SATL1: variants seen among roughly 807,000 people sequenced by gnomAD.
The protein encoded by SATL1 is spermidine/spermine N1-acetyl transferase like 1.
SATL1 carries 47 observed loss-of-function variants against 51.8 expected under a neutral mutation model. The observed-to-expected ratio is 0.91, with a 90% CI of 0.72 to 1.16. The LOEUF (loss-of-function observed/expected upper bound fraction) is 1.16. Among genes scored for constraint, SATL1 ranks in the 50% most tolerant of loss-of-function variants. The probability of loss-of-function intolerance (pLI) is 0.00; values close to 1 mark genes in which losing one functional copy is unlikely to be tolerated. For missense variants in SATL1, 520 were observed against 526.4 expected, an observed-to-expected ratio of 0.99 and a Z score of 0.12; for synonymous variants, 176 against 182.4, an observed-to-expected ratio of 0.97 and a Z score of 0.28.
chrX:85,221,599 G>A (rs1928178864), intron 2 of SATL1, among the ~76,000 whole-genome samples: 1 of 111,716 alleles, frequency 9.0e-6, no homozygotes, highest in Non-Finnish European at 1.9e-5. Context: ...GAGCCTTCCT[G>A]CATGTCATTT....
chrX:85,198,363 G>A (rs1035298926), intron 2 of SATL1, among the ~76,000 whole-genome samples: 1 of 111,407 alleles, frequency 9.0e-6, no homozygotes, highest in Admixed American at 9.6e-5. Flanking sequence ...GAGATGGCTG[G>A]ATCCTATAGT....
intron 2 of SATL1, among the ~76,000 whole-genome samples, chrX:85,186,249 C>T (rs1195936349): frequency 1.9e-5 from 2 of 106,324 alleles, no homozygotes; most frequent in Admixed American, 2.1e-4. Flanking sequence ...CTACCCTGTC[C>T]TCTCCTCAAG....
At chrX:85,223,578 A>T (rs1031071428) in intron 2 of SATL1, among the ~76,000 whole-genome samples, 2 of 111,138 alleles carry the variant, frequency 1.8e-5, no homozygotes, top group Non-Finnish European at 3.8e-5. Context: ...TAAGAAGCCT[A>T]GGTCCAGAAA....
intron 2 of SATL1, among the ~76,000 whole-genome samples, chrX:85,119,583 C>T (rs1211124426): frequency 1.8e-5 from 2 of 111,466 alleles, no homozygotes; most frequent in African/African-American, 3.3e-5. Context: ...AAATAAATAT[C>T]GCTTTAAATA....
At chrX:85,131,280 C>G (rs1807536337) in intron 2 of SATL1, among the ~76,000 whole-genome samples, 1 of 111,299 alleles carries the variant, frequency 9.0e-6, no homozygotes, top group African/African-American at 3.3e-5. Flanking sequence ...GTATGGGGGT[C>G]TAAGTCTCTT....
intron 4 of SATL1, among the ~76,000 whole-genome samples, chrX:85,101,340 C>T (rs1303276797): frequency 8.9e-6 from 1 of 111,807 alleles, no homozygotes; most frequent in African/African-American, 3.2e-5. Context: ...TACAACTCAA[C>T]AACAAAAAAC....
At chrX:85,179,469 C>T (rs1457683730) in intron 2 of SATL1, among the ~76,000 whole-genome samples, 1 of 111,660 alleles carries the variant, frequency 9.0e-6, no homozygotes, top group East Asian at 2.8e-4. Flanking sequence ...GTTCAGTGAT[C>T]TTGATCTTTT....
intron 2 of SATL1, among the ~76,000 whole-genome samples, chrX:85,133,485 C>T (rs1925868577): frequency 8.9e-6 from 1 of 112,381 alleles, no homozygotes; most frequent in Non-Finnish European, 1.9e-5. Context: ...TCCTGGTGTG[C>T]CATTTGCTAA....
intron 2 of SATL1, among the ~76,000 whole-genome samples, chrX:85,176,899 A>G (rs1464178711): frequency 9.0e-6 from 1 of 111,654 alleles, no homozygotes; most frequent in Non-Finnish European, 1.9e-5. Context: ...TATGTAAACC[A>G]AGGTTAACAT....
chrX:85,095,104 A>G, intron 4 of SATL1, 108 bp from the exon 5 acceptor site: 1 of 489,290 alleles, frequency 2.0e-6, no homozygotes, highest in Non-Finnish European at 3.6e-6. Flanking sequence ...TAGCAATTGT[A>G]TTGGCGGAAA....
chrX:85,168,142 T>C (rs898446469), intron 2 of SATL1, among the ~76,000 whole-genome samples: 20 of 110,741 alleles, frequency 1.8e-4, no homozygotes, highest in African/African-American at 5.3e-4. Context: ...CTCAAAATAA[T>C]AAGAGCCATA....
chrX:85,107,287 C>T, intron 3 of SATL1, 41 bp downstream of exon 3: 3 of 1,113,383 alleles, frequency 2.7e-6, no homozygotes, highest in Non-Finnish European at 2.5e-6. Context: ...TTCAGCCCTA[C>T]ACCAATGCCA....
rs369871482 is a variant in SATL1, at chrX:85,209,638, A to C, written c.-313+14567T>G. ...TAGGTATTTTATTCTCTTTGTAGCA[A>C]TCGTGAATGGGAATTCACTCATGAT... is the stretch of plus-strand genomic sequence containing the variant. On this transcript the variant is annotated intron_variant, in intron 2 of 7. Transcript: ENST00000644105. 1.3e-4 allele frequency: 14 copies of C among 111,407 alleles called. No individual in the cohort carries two copies. In the East Asian group the frequency reaches 3.1e-3, roughly 25 times the overall value. 9.2% of individuals were successfully genotyped at this position (111,407 alleles called of 1,213,427 possible). A position where few individuals can be genotyped will look rare whatever the true frequency, so the allele number is the denominator to read the frequency against.
intron 2 of SATL1, among the ~76,000 whole-genome samples, chrX:85,122,357 G>A (rs978784609): frequency 9.0e-6 from 1 of 111,482 alleles, no homozygotes; most frequent in Non-Finnish European, 1.9e-5. Context: ...AGATTCCTGG[G>A]ATCCACCCTC....
intron 2 of SATL1, among the ~76,000 whole-genome samples, chrX:85,150,164 C>A (rs1312239598): frequency 5.4e-5 from 6 of 111,362 alleles, no homozygotes; most frequent in Non-Finnish European, 1.1e-4. Flanking sequence ...ATACAAACTA[C>A]CATCAGAGAA....
intron 2 of SATL1, among the ~76,000 whole-genome samples, chrX:85,146,805 C>T (rs928051407): frequency 8.0e-5 from 9 of 112,587 alleles, no homozygotes; most frequent in Admixed American, 1.9e-4. Context: ...CATATTCTCC[C>T]TCTCCATAAA....
intron 2 of SATL1, among the ~76,000 whole-genome samples, chrX:85,167,761 G>A (rs1381107282): frequency 1.8e-5 from 2 of 110,919 alleles, no homozygotes; most frequent in Non-Finnish European, 3.8e-5. Flanking sequence ...AAAAAATTGA[G>A]GAAGAGGGAC....
At chrX:85,178,076 T>C (rs936921810) in intron 2 of SATL1, among the ~76,000 whole-genome samples, 1 of 111,852 alleles carries the variant, frequency 8.9e-6, no homozygotes, top group Non-Finnish European at 1.9e-5. Context: ...GCTTCCTTCA[T>C]ATTTGAAGAA....
intron 2 of SATL1, among the ~76,000 whole-genome samples, chrX:85,199,453 A>G (rs1334642353): frequency 8.9e-6 from 1 of 111,774 alleles, no homozygotes; most frequent in Non-Finnish European, 1.9e-5. Context: ...AAAGAAAAGC[A>G]GTATATGGAA....
Sources: gnomAD v4.1 joint callset for allele counts (sites outside exome capture counted in the v4.1 genomes callset) on GRCh38, gnomAD v4.1.1 for gene constraint, MANE v1.5 for transcripts, NCBI Gene and HGNC (gene_info 2026-07-23, HGNC 2026-07-21) for gene names.